TAB1: variants seen among roughly 807,000 people sequenced by gnomAD.
TAB1 encodes TGF-beta activated kinase 1 (MAP3K7) binding protein 1, also known as TGF-beta-activated kinase 1 and MAP3K7-binding protein 1.
A neutral mutation model predicts 54.5 loss-of-function variants in TAB1; 30 were observed. The observed-to-expected ratio is 0.55, with a 90% CI of 0.41 to 0.75. The LOEUF is 0.75. Among genes scored for constraint, TAB1 ranks in the 30% least tolerant of loss-of-function variants. The pLI is 0.00. For synonymous variants in TAB1, 289 were observed against 286.9 expected (o/e 1.01, Z -0.07); for missense variants, 609 against 683.2 (o/e 0.89, Z 1.21).
In TAB1 at chr22:39,419,626, C is replaced by A; in HGVS notation, c.772C>A (p.Leu258Ile). 1 of 1,605,910 alleles carries A rather than the reference C, an allele frequency of 6.2e-7. No homozygotes were observed. The highest frequency in any genetic ancestry group is 8.5e-7 in the Non-Finnish European group (1 of 1,174,032). The change falls in exon 7 of 11, where the codon CTC (leucine) becomes ATC (isoleucine). Residue 258 changes from leucine to isoleucine, a missense_variant. Coordinates refer to ENST00000216160, the MANE Select transcript of TAB1 (RefSeq NM_006116.3). Reference protein sequence around the residue: ...VKYGYTDIDLLSAAKSKPIIA... With the variant: ...VKYGYTDIDLISAAKSKPIIA... ...ATATGGCTACACGGACATTGACCTT[C>A]TCAGGTAGGTGCCAGCCCAGCTGTC...
downstream of TAB1, among the ~76,000 whole-genome samples, chr22:39,435,620 C>T (rs995751926): frequency 4.6e-5 from 7 of 152,346 alleles, no homozygotes; most frequent in East Asian, 3.9e-4. Context: ...TCTAAGCGTG[C>T]GTGCTGTCAC....
At chr22:39,436,507 C>A, downstream of TAB1, 1 of 1,613,932 alleles carries the variant, frequency 6.2e-7, no homozygotes, top group Non-Finnish European at 8.5e-7. Context: ...TCCAGGCCTG[C>A]AAGCGATTTG....
chr22:39,425,218 CAA>C (rs571359345), intron 8 of TAB1, among the ~76,000 whole-genome samples: 3 of 124,430 alleles, frequency 2.4e-5, no homozygotes, highest in Non-Finnish European at 5.3e-5. Flanking sequence ...ACTAAAAATA[CAA>C]AAAAAAAAAA....
intron 8 of TAB1, among the ~76,000 whole-genome samples, chr22:39,423,637 T>G (rs1405034330): frequency 6.6e-6 from 1 of 152,162 alleles, no homozygotes. Context: ...GGAAAAAGTC[T>G]TCTTTAAAAT....
At chr22:39,428,843 G>C (rs1032337492) in intron 10 of TAB1, among the ~76,000 whole-genome samples, 4 of 152,256 alleles carry the variant, frequency 2.6e-5, no homozygotes, top group Admixed American at 6.5e-5. Context: ...GCCCTGGAGG[G>C]GGGTGGGCGG....
At chr22:39,417,591 A>T (rs1027756565) in intron 4 of TAB1, 120 bp from the exon 5 acceptor site, 2 of 1,023,028 alleles carry the variant, frequency 2.0e-6, no homozygotes, top group South Asian at 2.0e-5. Flanking sequence ...ACTGCACTGT[A>T]GCCTGGGGGA....
chr22:39,426,950 G>A lies in TAB1; in HGVS notation c.1144+25G>A, dbSNP rs767549268. 2.5e-6 allele frequency: 4 copies of A among 1,597,594 alleles called. No homozygotes were observed. The South Asian group carries it at 4.4e-5, about 18-fold the overall frequency. Reference sequence around the variant, plus strand: ...GGTACGTGTGCTGTGCAGACAGGCAGTGCCTGGGGATGCCATCTGGGGGCC... The same window carrying A: ...GGTACGTGTGCTGTGCAGACAGGCAATGCCTGGGGATGCCATCTGGGGGCC... On this transcript the variant is annotated intron_variant, in intron 9 of 10. Coordinates refer to ENST00000216160, the MANE Select transcript of TAB1 (RefSeq NM_006116.3).
chr22:39,432,927 G>A, downstream of TAB1: 1 of 985,418 alleles, frequency 1.0e-6, no homozygotes, highest in Non-Finnish European at 1.2e-6. Context: ...AGGACTTAAG[G>A]GGCCAGGAGT....
At chr22:39,423,083 C>T (rs1439126262) in intron 8 of TAB1, among the ~76,000 whole-genome samples, 2 of 152,066 alleles carry the variant, frequency 1.3e-5, no homozygotes, top group Non-Finnish European at 2.9e-5. Context: ...ACCGATCCTC[C>T]AGCCTTAGCC....
At chr22:39,434,369 G>C (rs1927707018), downstream of TAB1, among the ~76,000 whole-genome samples, 1 of 152,286 alleles carries the variant, frequency 6.6e-6, no homozygotes, top group South Asian at 2.1e-4. Context: ...TGGGCAGCGG[G>C]CGTGGTTCTG....
At chr22:39,425,855 T>G (rs1927307807) in intron 8 of TAB1, among the ~76,000 whole-genome samples, 1 of 151,810 alleles carries the variant, frequency 6.6e-6, no homozygotes, top group African/African-American at 2.4e-5. Flanking sequence ...CAAATGCTTT[T>G]TCAACTTACG....
At chr22:39,406,043 A>G (rs926471659) in intron 1 of TAB1, among the ~76,000 whole-genome samples, 1 of 152,212 alleles carries the variant, frequency 6.6e-6, no homozygotes, top group African/African-American at 2.4e-5. Context: ...AACTTGTAAC[A>G]TACCAACTCC....
Position 39,430,420 on chromosome 22 carries a change from G to T in TAB1, c.*198G>T. The T allele has an allele frequency of 7.0e-7, 1 of 1,431,088 alleles. No homozygotes were observed. Among genetic ancestry groups the T allele is most frequent in the Non-Finnish European group, 9.1e-7 (1 of 1,094,026 alleles). The allele number at this position is 1,431,088 out of a possible 1,614,324, so 88.6% of individuals were successfully genotyped here. The stretch of plus-strand genomic sequence containing the variant: ...TGTGGTTCATACCTTGTCACCACCC[G>T]GGAAGCTGAAGGCCACTTCCTCCCA... On this transcript the variant is annotated 3_prime_UTR_variant, in exon 11 of 11. Transcript: ENST00000216160.
chr22:39,422,263 G>A (rs1927124960), intron 8 of TAB1, among the ~76,000 whole-genome samples: 1 of 152,182 alleles, frequency 6.6e-6, no homozygotes, highest in Admixed American at 6.5e-5. Flanking sequence ...GAGACGGCCA[G>A]GAAGGGGCCA....
chr22:39,408,349 T>A (rs1328229770), intron 1 of TAB1, among the ~76,000 whole-genome samples: 1 of 152,206 alleles, frequency 6.6e-6, no homozygotes, highest in Non-Finnish European at 1.5e-5. Context: ...GGTCAGTAGA[T>A]CATCAGCTTA....
chr22:39,420,053 C>A (rs536461179), intron 7 of TAB1, among the ~76,000 whole-genome samples: 1 of 152,182 alleles, frequency 6.6e-6, no homozygotes, highest in Non-Finnish European at 1.5e-5. Context: ...ACAGACCAGG[C>A]CTGTTGGTCG....
intron 10 of TAB1, chr22:39,429,316 G>A (rs1160932638): frequency 1.0e-6 from 1 of 985,264 alleles, no homozygotes; most frequent in Admixed American, 6.2e-5. Flanking sequence ...TGCTGAGTAG[G>A]TCCTGGGTTG....
chr22:39,436,461 G>A, downstream of TAB1: 3 of 1,579,432 alleles, frequency 1.9e-6, no homozygotes, highest in Non-Finnish European at 2.6e-6. Context: ...TTTTCTTCAT[G>A]TGTCATGAAG....
downstream of TAB1, among the ~76,000 whole-genome samples, chr22:39,435,430 C>T (rs756129420): frequency 2.6e-5 from 4 of 152,124 alleles, no homozygotes; most frequent in Admixed American, 6.5e-5. Context: ...TGGGAGCTTG[C>T]AAAGCCTTCA....
Sources: allele counts gnomAD v4.1 joint callset (sites outside exome capture counted in the v4.1 genomes callset), GRCh38; gene constraint gnomAD v4.1.1; transcripts MANE v1.5; gene names NCBI Gene and HGNC (gene_info 2026-07-23, HGNC 2026-07-21).